METAP1D: variants seen among roughly 807,000 people sequenced by gnomAD.
The protein encoded by METAP1D is methionyl aminopeptidase type 1D, mitochondrial, also known as methionine aminopeptidase 1D, mitochondrial.
METAP1D carries 31 observed loss-of-function variants against 40.5 expected under a neutral mutation model. The ratio of observed to expected loss-of-function variants is 0.77; its 90% CI spans 0.58 to 1.03. The LOEUF (loss-of-function observed/expected upper bound fraction) is 1.03, where lower values mean the gene tolerates loss of function less well. Ranked by LOEUF, METAP1D falls within the 50% of genes least tolerant of loss-of-function variation. The pLI is 0.00. For synonymous variants in METAP1D, 151 were observed against 146.4 expected (o/e 1.03, Z -0.22); for missense variants, 411 against 420.7 (o/e 0.98, Z 0.20).
chr2:172,052,044 A>G (rs2129475), intron 1 of METAP1D, among the ~76,000 whole-genome samples: 80,727 of 152,004 alleles, frequency 0.53, 22,154 homozygotes, highest in Middle Eastern at 0.64. Flanking sequence ...TTGGATGTGA[A>G]GTAGAATATT....
chr2:172,003,889 C>T (rs1386674220), intron 1 of METAP1D, among the ~76,000 whole-genome samples: 3 of 151,638 alleles, frequency 2.0e-5, no homozygotes, highest in East Asian at 1.9e-4. Context: ...CTCAGCCTCC[C>T]GAGTAGCTGG....
At chr2:172,037,411 A>G (rs1689422047) in intron 1 of METAP1D, among the ~76,000 whole-genome samples, 1 of 151,026 alleles carries the variant, frequency 6.6e-6, no homozygotes, top group Non-Finnish European at 1.5e-5. Flanking sequence ...TAGAGACCAG[A>G]AAAAAAAATA....
At chr2:172,001,125 A>G (rs1007870124) in intron 1 of METAP1D, among the ~76,000 whole-genome samples, 2 of 152,150 alleles carry the variant, frequency 1.3e-5, no homozygotes, top group African/African-American at 2.4e-5. Flanking sequence ...CAGATTGCTC[A>G]TTTGAACATG....
intron 1 of METAP1D, among the ~76,000 whole-genome samples, chr2:172,045,840 T>TATATATATAC (rs1689750767): frequency 1.0e-5 from 1 of 99,120 alleles, no homozygotes; most frequent in South Asian, 3.2e-4. Context: ...TATATATATA[T>TATATATATAC]ATATATATAT....
intron 1 of METAP1D, among the ~76,000 whole-genome samples, chr2:172,033,463 C>T (rs1168535496): frequency 1.3e-5 from 2 of 151,732 alleles, no homozygotes; most frequent in African/African-American, 2.4e-5. Flanking sequence ...AAGCAATTCT[C>T]CTGCCTCAGC....
chr2:172,065,686 A>C lies in METAP1D; in HGVS notation c.431A>C (p.Tyr144Ser). Residue 144 changes from tyrosine (Y) to serine (S), a missense_variant, in exon 4 of 10, where the codon TAT (tyrosine) becomes TCT (serine). Coordinates refer to ENST00000315796, the MANE Select transcript of METAP1D (RefSeq NM_199227.3). ...AATGCCTATCCCTCACCTCTAGGCT[A>C]TGGAGGTTTTCCAAAATCTGTTTGT... The part of the protein sequence containing the change: ...SHNAYPSPLG[Y>S]GGFPKSVCTS... 1 of 1,613,962 alleles carries C rather than the reference A, an allele frequency of 6.2e-7. No individual in the cohort carries two copies. Among genetic ancestry groups the C allele is most frequent in the Non-Finnish European group, 8.5e-7 (1 of 1,179,880 alleles).
At position 172,077,783 on chromosome 2, in the gene METAP1D, G is replaced by T. The variant is rs1462516399; in HGVS notation, c.705-14G>T. On this transcript the variant is annotated splice_polypyrimidine_tract_variant and intron_variant, in intron 6 of 9. Coordinates refer to ENST00000315796, the MANE Select transcript of METAP1D (RefSeq NM_199227.3). ...TATCTAATTTAATTAAATATTTTTT[G>T]GTCACTTTTAAAGCCACATAACTCA... is the stretch of plus-strand genomic sequence containing the variant. 5.9e-6 allele frequency: 8 copies of T among 1,354,536 alleles called. No individual in the cohort carries two copies. Among genetic ancestry groups the T allele is most frequent in the Admixed American group, 4.2e-5 (2 of 47,820 alleles). The allele number at this position is 1,354,536 out of a possible 1,614,324, so 83.9% of individuals were successfully genotyped here.
intron 6 of METAP1D, among the ~76,000 whole-genome samples, 192 bp downstream of exon 6, chr2:172,071,262 A>T (rs2105492033): frequency 6.6e-6 from 1 of 152,254 alleles, no homozygotes; most frequent in South Asian, 2.1e-4. Flanking sequence ...AAAATGAATT[A>T]TACCAGGGTC....
chr2:172,040,519 C>A (rs1689493552), intron 1 of METAP1D, among the ~76,000 whole-genome samples: 1 of 152,010 alleles, frequency 6.6e-6, no homozygotes, highest in African/African-American at 2.4e-5. Context: ...GAGAGGATTC[C>A]CCACACTCTC....
At chr2:172,035,150 TTTTTTTTG>T (rs1249401667) in intron 1 of METAP1D, among the ~76,000 whole-genome samples, 2 of 143,330 alleles carry the variant, frequency 1.4e-5, no homozygotes, top group East Asian at 2.6e-4. Context: ...GTACTGTGTT[TTTTTTTTG>T]TTTGTTTGTT....
At position 172,029,956 on chromosome 2, in the gene METAP1D, A is replaced by G. The variant is rs1174236964; in HGVS notation, c.40+29947A>G. On this transcript the variant is annotated intron_variant, in intron 1 of 9. Transcript: ENST00000315796. ...TTTTTAGTAGAGATGGGGTTTCACT[A>G]TGTTGGCCAGGCTGGTCTCAAACTC... Among the ~76,000 whole-genome samples the G allele has an allele frequency of 4.6e-5, 7 of 152,080 alleles. 1 individual carries two copies. In the Middle Eastern group the frequency reaches 0.01, roughly 222 times the overall value.
At chr2:172,039,954 C>T (rs570719670) in intron 1 of METAP1D, among the ~76,000 whole-genome samples, 2 of 151,252 alleles carry the variant, frequency 1.3e-5, no homozygotes, top group South Asian at 4.2e-4. Context: ...GGATTACAGG[C>T]GTGAGCCACT....
intron 1 of METAP1D, among the ~76,000 whole-genome samples, chr2:172,049,364 TA>T (rs1416872114): frequency 6.7e-6 from 1 of 149,862 alleles, no homozygotes; most frequent in African/African-American, 2.4e-5. Flanking sequence ...AATAAATGTT[TA>T]TTTATATTTA....
At chr2:172,000,691 T>C (rs1278637367) in intron 1 of METAP1D, among the ~76,000 whole-genome samples, 1 of 152,220 alleles carries the variant, frequency 6.6e-6, no homozygotes, top group East Asian at 1.9e-4. Context: ...GCGTCAGGCA[T>C]GTAGGAACAG....
At chr2:172,030,014 C>T (rs1031025617) in intron 1 of METAP1D, among the ~76,000 whole-genome samples, 1 of 152,162 alleles carries the variant, frequency 6.6e-6, no homozygotes, top group African/African-American at 2.4e-5. Flanking sequence ...CCTGGGCCTC[C>T]CAAGGTGCTG....
At chr2:172,029,174 G>A (rs1559000479) in intron 1 of METAP1D, among the ~76,000 whole-genome samples, 1 of 152,210 alleles carries the variant, frequency 6.6e-6, no homozygotes, top group Non-Finnish European at 1.5e-5. Context: ...TTGGGAGGCT[G>A]AGGCAGGAGG....
In METAP1D at chr2:172,044,207, A is replaced by G. The variant is rs1329039132; in HGVS notation, c.41-17291A>G. Among the ~76,000 whole-genome samples the G allele has an allele frequency of 1.5e-5, 2 of 133,792 alleles. 1 individual carries two copies. The highest frequency in any genetic ancestry group is 3.5e-5 in the Non-Finnish European group (2 of 57,624). The allele number at this position is 133,792 out of a possible 152,430, so 87.8% of individuals were successfully genotyped here. A position where few individuals can be genotyped will look rare whatever the true frequency, so the allele number is the denominator to read the frequency against. On this transcript the variant is annotated intron_variant, in intron 1 of 9. Coordinates refer to ENST00000315796, the MANE Select transcript of METAP1D (RefSeq NM_199227.3). ...GAAATACAAAAAGCAAGCTGAAAAG[A>G]TAGTTGAAACAGTGTAGTACACACA...
At chr2:172,068,256 G>C (rs184502275) in intron 5 of METAP1D, among the ~76,000 whole-genome samples, 3 of 151,954 alleles carry the variant, frequency 2.0e-5, no homozygotes, top group Non-Finnish European at 4.4e-5. Flanking sequence ...AGCCCTGTGT[G>C]GGGGCAGGAG....
chr2:172,073,823 T>C (rs953718102), intron 6 of METAP1D, among the ~76,000 whole-genome samples: 1 of 152,252 alleles, frequency 6.6e-6, no homozygotes, highest in African/African-American at 2.4e-5. Flanking sequence ...CTCGGTCTTG[T>C]TTATTTTAAG....
Sources: gnomAD v4.1 joint callset for allele counts (sites outside exome capture counted in the v4.1 genomes callset) on GRCh38, gnomAD v4.1.1 for gene constraint, MANE v1.5 for transcripts, NCBI Gene and HGNC (gene_info 2026-07-23, HGNC 2026-07-21) for gene names.